The following AGAP9 variants were observed in gnomAD, a reference collection of about 807,000 sequenced individuals.
The protein encoded by AGAP9 is ArfGAP with GTPase domain, ankyrin repeat and PH domain 9, also known as arf-GAP with GTPase, ANK repeat and PH domain-containing protein 9.
A neutral mutation model predicts 55.6 loss-of-function variants in AGAP9; 23 were observed. That is an observed-to-expected ratio of 0.41 (90% CI 0.30 to 0.59). AGAP9 has a LOEUF of 0.59. Ranked by LOEUF, AGAP9 falls within the 20% of genes least tolerant of loss-of-function variation. AGAP9 has a pLI of 0.25. For synonymous variants in AGAP9, 120 were observed against 305.0 expected (o/e 0.39, Z 6.32); for missense variants, 309 against 808.1 (o/e 0.38, Z 7.49).
At chr10:47,505,510 G>GTTTA (rs1840458138) in intron 6 of AGAP9, among the ~76,000 whole-genome samples, 1 of 138,972 alleles carries the variant, frequency 7.2e-6, no homozygotes, top group Non-Finnish European at 1.6e-5. Context: ...TGTTTTTAAA[G>GTTTA]AATCCGTGAT....
chr10:47,502,409 TCTC>T lies in AGAP9; in HGVS notation c.1717_1719del (p.Glu573del). On this transcript the variant is annotated inframe_deletion, in exon 8 of 8. Transcript: ENST00000452145. ...CAGGGTAGTGGGGCCAGAAAGAGCT[TCTC>T]CTCATATTTGGAACGGATCCACCAT... 1 of 1,610,544 alleles carries T rather than the reference TCTC, an allele frequency of 6.2e-7. No individual in the cohort carries two copies. Among genetic ancestry groups the T allele is most frequent in the Non-Finnish European group, 8.5e-7 (1 of 1,179,708 alleles).
chr10:47,502,278 C>A lies in AGAP9; in HGVS notation c.1851G>T (p.Glu617Asp), dbSNP rs1293608868. 1 of 1,599,082 alleles carries A rather than the reference C, an allele frequency of 6.3e-7. No homozygotes were observed. The highest frequency in any genetic ancestry group is 8.5e-7 in the Non-Finnish European group (1 of 1,176,448). Residue 617 changes from glutamate to aspartate, a missense_variant, in exon 8 of 8, where the codon GAG becomes GAT. Glu to Asp is a conservative substitution (Grantham distance 45). Transcript: ENST00000452145. ...LAHGSREEVN[E>D]TCGEGDGCTA... Reference sequence around the variant, plus strand: ...TGCAGCCGTCTCCCTCCCCACAGGTCTCGTTCACCTCCTCACGGGAGCCAT... The same window carrying A: ...TGCAGCCGTCTCCCTCCCCACAGGTATCGTTCACCTCCTCACGGGAGCCAT...
rs1249230752 is a variant in AGAP9 at position 47,511,227 on chromosome 10, G to A, written c.397-956C>T. Among the ~76,000 whole-genome samples the A allele has an allele frequency of 2.8e-5, 4 of 141,258 alleles. 1 individual carries two copies. The highest frequency in any genetic ancestry group is 6.1e-5 in the Non-Finnish European group (4 of 65,428). 92.7% of individuals were successfully genotyped at this position (141,258 alleles called of 152,430 possible). A position where few individuals can be genotyped will look rare whatever the true frequency, so the allele number is the denominator to read the frequency against. On this transcript the variant is annotated intron_variant, in intron 4 of 7. Coordinates refer to ENST00000452145, the MANE Select transcript of AGAP9 (RefSeq NM_001190810.1). ...CAAAGTACTGGGATTACAGGCGTGAGCCACGGCGCCCAGTCCTTCTATTAT... is the reference window on the plus strand; with the variant it reads ...CAAAGTACTGGGATTACAGGCGTGAACCACGGCGCCCAGTCCTTCTATTAT...
intron 2 of AGAP9, among the ~76,000 whole-genome samples, chr10:47,521,214 T>C (rs1840825709): frequency 7.6e-6 from 1 of 131,646 alleles, no homozygotes; most frequent in Non-Finnish European, 1.6e-5. Context: ...AGAATGACAA[T>C]AAAGAGCCAT....
rs1840368946 is a variant in AGAP9 at position 47,502,390 on chromosome 10, A to G, written c.1739T>C (p.Leu580Pro). 8 of 1,609,728 alleles carry G rather than the reference A, an allele frequency of 5.0e-6. No homozygotes were observed. Among genetic ancestry groups the G allele is most frequent in the Middle Eastern group, 2.1e-4 (1 of 4,680 alleles). ...KYEEKLFLAP[L>P]PCTELSLGQQ... ...GCCCAGGGACAGCTCAGTGCAGGGT[A>G]GTGGGGCCAGAAAGAGCTTCTCCTC... Residue 580 changes from leucine (L) to proline (P), a missense_variant, in exon 8 of 8, where the codon CTA becomes CCA. By Grantham distance (98) the Leu-to-Pro change is moderately conservative. Transcript: ENST00000452145.
At chr10:47,508,043 C>A (rs1203386966) in intron 5 of AGAP9, among the ~76,000 whole-genome samples, 6 of 132,004 alleles carry the variant, frequency 4.5e-5, no homozygotes, top group African/African-American at 1.4e-4. Flanking sequence ...TACAAGTTTG[C>A]GCCACTATGC....
intron 2 of AGAP9, among the ~76,000 whole-genome samples, chr10:47,521,240 C>T (rs1246666978): frequency 2.2e-5 from 3 of 134,678 alleles, no homozygotes; most frequent in African/African-American, 9.0e-5. Context: ...GGCTCTCATC[C>T]AACACTACCC....
At chr10:47,509,677 C>T (rs1250513032) in intron 5 of AGAP9, among the ~76,000 whole-genome samples, 1 of 136,892 alleles carries the variant, frequency 7.3e-6, no homozygotes, top group Non-Finnish European at 1.6e-5. Flanking sequence ...GGTTGTTGTT[C>T]CTTTTAAAAT....
chr10:47,502,514 G>A lies in AGAP9; in HGVS notation c.1615C>T (p.Leu539=), dbSNP rs1369671623. The change falls in exon 8 of 8, where the codon CTA becomes TTA. Residue 539 remains leucine, a synonymous_variant. Coordinates refer to ENST00000452145, the MANE Select transcript of AGAP9 (RefSeq NM_001190810.1). Reference sequence around the variant, plus strand: ...CTCCCTTCCCAGATGCTGTTGGCTAGCTCATTGCCAATAGATGACATAACC... The same window carrying A: ...CTCCCTTCCCAGATGCTGTTGGCTAACTCATTGCCAATAGATGACATAACC... The part of the protein sequence containing the change: ...RKVMSSIGNE[L]ANSIWEGSSQ... 2.5e-6 allele frequency: 4 copies of A among 1,613,024 alleles called. No homozygotes were observed. The highest frequency in any genetic ancestry group is 3.4e-6 in the Non-Finnish European group (4 of 1,179,956).
chr10:47,513,699 A>G (rs1173809391), intron 4 of AGAP9, among the ~76,000 whole-genome samples: 1 of 140,336 alleles, frequency 7.1e-6, no homozygotes, highest in African/African-American at 2.6e-5. Context: ...ACATACACCA[A>G]TGGAATAGAA....
chr10:47,519,117 A>T lies in AGAP9; in HGVS notation c.362-1260T>A, dbSNP rs1840769614. ...GGGTAATGGCAGTGGATTCCTTATGAATGGCTTGGTCCCATCCCCATGGTA... is the reference window on the plus strand; with the variant it reads ...GGGTAATGGCAGTGGATTCCTTATGTATGGCTTGGTCCCATCCCCATGGTA... On this transcript the variant is annotated intron_variant, in intron 3 of 7. Coordinates refer to ENST00000452145, the MANE Select transcript of AGAP9 (RefSeq NM_001190810.1). 1.5e-5 allele frequency among the ~76,000 whole-genome samples: 2 copies of T among 137,224 alleles called. 1 individual carries two copies. Among genetic ancestry groups the T allele is most frequent in the Non-Finnish European group, 3.1e-5 (2 of 65,096 alleles). 90.0% of individuals were successfully genotyped at this position (137,224 alleles called of 152,430 possible).
intron 5 of AGAP9, among the ~76,000 whole-genome samples, chr10:47,509,023 A>G (rs1840542788): frequency 7.4e-6 from 1 of 135,100 alleles, no homozygotes; most frequent in Non-Finnish European, 1.5e-5. Context: ...TATTTCACCA[A>G]TAGTGAATAC....
intron 4 of AGAP9, among the ~76,000 whole-genome samples, chr10:47,513,085 T>C (rs1215235616): frequency 7.0e-6 from 1 of 143,480 alleles, no homozygotes; most frequent in Non-Finnish European, 1.5e-5. Context: ...CAGGCTGGAG[T>C]ATGCAATGCG....
intron 2 of AGAP9, among the ~76,000 whole-genome samples, chr10:47,521,813 C>G (rs1417882892): frequency 6.6e-6 from 1 of 151,238 alleles, no homozygotes; most frequent in African/African-American, 2.4e-5. Flanking sequence ...CGGAGTCTCG[C>G]TCTGTCACCC....
At chr10:47,517,579 A>G (rs1242152976) in intron 4 of AGAP9, among the ~76,000 whole-genome samples, 12 of 140,352 alleles carry the variant, frequency 8.5e-5, no homozygotes, top group African/African-American at 2.2e-4. Context: ...GCCTTAAGGC[A>G]GATCTTTTGA....
rs1208276360 is a variant in AGAP9, at chr10:47,506,597, T to C, written c.533+951A>G. ...CACCCACCTTGGCCTCCCAAAATGC[T>C]GGGATTACAGGTGTGAACCACTGCG... On this transcript the variant is annotated intron_variant, in intron 6 of 7. Coordinates refer to ENST00000452145, the MANE Select transcript of AGAP9 (RefSeq NM_001190810.1). Among the ~76,000 whole-genome samples the C allele has an allele frequency of 2.8e-5, 4 of 142,884 alleles. 1 individual carries two copies. The highest frequency in any genetic ancestry group is 7.6e-5 in the African/African-American group (3 of 39,434). 93.7% of individuals were successfully genotyped at this position (142,884 alleles called of 152,430 possible).
At position 47,502,280 on chromosome 10, in the gene AGAP9, C is replaced by T. The variant is rs1220036559; in HGVS notation, c.1849G>A (p.Glu617Lys). ...LAHGSREEVN[E>K]TCGEGDGCTA... is the part of the protein sequence containing the mutation. ...CAGCCGTCTCCCTCCCCACAGGTCT[C>T]GTTCACCTCCTCACGGGAGCCATGT... Residue 617 changes from glutamate to lysine, a missense_variant, in exon 8 of 8, where the codon GAG (glutamate) becomes AAG (lysine). Transcript: ENST00000452145. 8.8e-6 allele frequency: 14 copies of T among 1,591,820 alleles called. No individual in the cohort carries two copies. The highest frequency in any genetic ancestry group is 5.5e-5 in the South Asian group (5 of 90,408).
chr10:47,510,964 G>A (rs1229649824), intron 4 of AGAP9, among the ~76,000 whole-genome samples: 45 of 127,144 alleles, frequency 3.5e-4, no homozygotes, highest in African/African-American at 1.3e-3. Context: ...TTATTTTTGA[G>A]ACGGAGTCTC....
intron 6 of AGAP9, among the ~76,000 whole-genome samples, chr10:47,506,837 C>T (rs1437922043): frequency 0.093 from 12,767 of 137,222 alleles, 1,015 homozygotes; most frequent in East Asian, 0.24. Context: ...GACGGGGTTT[C>T]GCCGTGTTAG....
Sources: gnomAD v4.1 joint callset for allele counts (sites outside exome capture counted in the v4.1 genomes callset) on GRCh38, gnomAD v4.1.1 for gene constraint, MANE v1.5 for transcripts, NCBI Gene and HGNC (gene_info 2026-07-23, HGNC 2026-07-21) for gene names.